PRKCA: variants seen among roughly 807,000 people sequenced by gnomAD.
PRKCA encodes protein kinase C alpha.
PRKCA carries 27 observed loss-of-function variants against 87.0 expected under a neutral mutation model. That is an observed-to-expected ratio of 0.31 (90% CI 0.23 to 0.43). The LOEUF is 0.43. PRKCA is among the 20% of genes least tolerant of loss of function. The pLI is 1.00. For synonymous variants in PRKCA, 329 were observed against 311.1 expected (o/e 1.06, Z -0.61); for missense variants, 518 against 852.3 (o/e 0.61, Z 4.88).
intron 3 of PRKCA, among the ~76,000 whole-genome samples, chr17:66,555,038 C>T (rs949745153): frequency 8.5e-5 from 13 of 152,096 alleles, no homozygotes; most frequent in African/African-American, 1.2e-4. Context: ...CTGCCATGCC[C>T]GGCCAAGTTT....
chr17:66,612,894 T>C (rs1246695496), intron 3 of PRKCA, among the ~76,000 whole-genome samples: 8 of 152,200 alleles, frequency 5.3e-5, no homozygotes, highest in Admixed American at 5.2e-4. Flanking sequence ...GGTTTCTCCA[T>C]CACAGATTTG....
chr17:66,587,400 T>G (rs1199483703), intron 3 of PRKCA, among the ~76,000 whole-genome samples: 1 of 152,198 alleles, frequency 6.6e-6, no homozygotes, highest in African/African-American at 2.4e-5. Context: ...CTCTACAGAT[T>G]CGTTTGAAAC....
chr17:66,613,911 T>A (rs1970445295), intron 3 of PRKCA, among the ~76,000 whole-genome samples: 1 of 149,282 alleles, frequency 6.7e-6, no homozygotes, highest in African/African-American at 2.5e-5. Flanking sequence ...GCCTCCCTAG[T>A]AGCTAGGACT....
chr17:66,658,599 G>A (rs1258922141), intron 5 of PRKCA, among the ~76,000 whole-genome samples: 1 of 152,170 alleles, frequency 6.6e-6, no homozygotes, highest in East Asian at 1.9e-4. Flanking sequence ...GGTGAGATTT[G>A]GGTGGGGACA....
At position 66,739,148 on chromosome 17, in the gene PRKCA, C is replaced by T. The variant is rs149049682; in HGVS notation, c.1322+293C>T. Among the ~76,000 whole-genome samples, 77 of 152,232 alleles carry T rather than the reference C, an allele frequency of 5.1e-4. 2 individuals are homozygous for T. In the East Asian group the frequency reaches 0.014, roughly 28 times the overall value. ...CTGCCCACCTCGGCCTCCCAAAGTGCGGGGATTACAGGCGTGAGTGAGCCA... is the reference window on the plus strand; with the variant it reads ...CTGCCCACCTCGGCCTCCCAAAGTGTGGGGATTACAGGCGTGAGTGAGCCA... On this transcript the variant is annotated intron_variant, in intron 11 of 16. Transcript: ENST00000413366.
At chr17:66,388,733 T>TCTGCACATCTGCACTGTGGGGCAG (rs1910202483) in intron 2 of PRKCA, among the ~76,000 whole-genome samples, 1 of 152,178 alleles carries the variant, frequency 6.6e-6, no homozygotes, top group African/African-American at 2.4e-5. Context: ...TGGAGGTTTG[T>TCTGCACATCTGCACTGTGGGGCAG]CTGCACATCT....
intron 2 of PRKCA, among the ~76,000 whole-genome samples, chr17:66,479,503 G>A (rs1220616766): frequency 2.6e-5 from 4 of 152,096 alleles, no homozygotes; most frequent in Admixed American, 6.6e-5. Flanking sequence ...CCCATGGCTA[G>A]GTATATACCC....
chr17:66,396,957 CTTTTTTTT>C (rs35135551), intron 2 of PRKCA, among the ~76,000 whole-genome samples: 1 of 52,136 alleles, frequency 1.9e-5, no homozygotes, highest in Admixed American at 3.7e-4. Context: ...ACAATCAAGA[CTTTTTTTT>C]TTTTTTTTTT....
chr17:66,640,097 C>T (rs933147464), intron 3 of PRKCA, among the ~76,000 whole-genome samples: 5 of 152,136 alleles, frequency 3.3e-5, no homozygotes, highest in Non-Finnish European at 5.9e-5. Flanking sequence ...CCCTGTGATA[C>T]GGCACTCTTC....
Position 66,361,582 on chromosome 17 carries a change from A to G in PRKCA, c.205+55455A>G, listed in dbSNP as rs1412339357. Among the ~76,000 whole-genome samples the G allele has an allele frequency of 2.0e-5, 3 of 152,200 alleles. No individual in the cohort carries two copies. In the East Asian group the frequency reaches 5.8e-4, roughly 29 times the overall value. On this transcript the variant is annotated intron_variant, in intron 2 of 16. Coordinates refer to ENST00000413366, the MANE Select transcript of PRKCA (RefSeq NM_002737.3). ...CGCCTCGGCCTCCCAAAATGCTAGGATTATAGGTGTGAGCCACTGCGCCAG... is the reference window on the plus strand; with the variant it reads ...CGCCTCGGCCTCCCAAAATGCTAGGGTTATAGGTGTGAGCCACTGCGCCAG...
intron 2 of PRKCA, among the ~76,000 whole-genome samples, chr17:66,326,181 G>A (rs1400714026): frequency 2.6e-5 from 4 of 152,106 alleles, no homozygotes; most frequent in African/African-American, 9.7e-5. Context: ...ATCACACTAC[G>A]TGACTGGGTT....
Position 66,389,454 on chromosome 17 carries a change from A to C in PRKCA, c.205+83327A>C, listed in dbSNP as rs535681797. Among the ~76,000 whole-genome samples the C allele has an allele frequency of 2.0e-5, 3 of 152,328 alleles. No individual in the cohort carries two copies. In the East Asian group the frequency reaches 5.8e-4, roughly 29 times the overall value. On this transcript the variant is annotated intron_variant, in intron 2 of 16. Coordinates refer to ENST00000413366, the MANE Select transcript of PRKCA (RefSeq NM_002737.3). ...GCTCTGCCTCAGTAGCCTCCCCTGC[A>C]TAAGGACACCTTTGCAGGGATATCG... is the stretch of plus-strand genomic sequence containing the variant.
intron 3 of PRKCA, among the ~76,000 whole-genome samples, chr17:66,639,639 C>A (rs984785656): frequency 3.0e-4 from 45 of 152,162 alleles, no homozygotes; most frequent in African/African-American, 1.0e-3. Context: ...CTGACTGCCT[C>A]AGCCTCCCAA....
intron 2 of PRKCA, among the ~76,000 whole-genome samples, chr17:66,423,552 A>G (rs977040195): frequency 1.3e-5 from 2 of 152,232 alleles, no homozygotes; most frequent in Non-Finnish European, 2.9e-5. Context: ...TACCTGACTC[A>G]GAAGAAAGTC....
At chr17:66,559,739 TCC>T (rs1461667622) in intron 3 of PRKCA, among the ~76,000 whole-genome samples, 1 of 152,090 alleles carries the variant, frequency 6.6e-6, no homozygotes, top group African/African-American at 2.4e-5. Flanking sequence ...CCAGTCAAAA[TCC>T]CAGAACGGTT....
intron 3 of PRKCA, among the ~76,000 whole-genome samples, chr17:66,577,830 CGGGG>C (rs1969287836): frequency 6.6e-6 from 1 of 151,996 alleles, no homozygotes. Context: ...GGAGTGAGGA[CGGGG>C]TAGTGGGGGG....
chr17:66,353,676 A>G (rs1250805742), intron 2 of PRKCA, among the ~76,000 whole-genome samples: 1 of 152,234 alleles, frequency 6.6e-6, no homozygotes, highest in Non-Finnish European at 1.5e-5. Context: ...AGATCGGGCC[A>G]TTGCACTCCA....
intron 2 of PRKCA, among the ~76,000 whole-genome samples, chr17:66,418,596 C>G (rs893189382): frequency 6.6e-6 from 1 of 152,012 alleles, no homozygotes; most frequent in African/African-American, 2.4e-5. Context: ...GTCACCACGC[C>G]TGGCTAATTT....
At chr17:66,781,100 A>G (rs1192963264) in intron 14 of PRKCA, among the ~76,000 whole-genome samples, 1 of 152,136 alleles carries the variant, frequency 6.6e-6, no homozygotes, top group East Asian at 1.9e-4. Context: ...CTCCATCTCA[A>G]AAAAATAAAA....
Sources: gnomAD v4.1 joint callset for allele counts (sites outside exome capture counted in the v4.1 genomes callset) on GRCh38, gnomAD v4.1.1 for gene constraint, MANE v1.5 for transcripts, NCBI Gene and HGNC (gene_info 2026-07-23, HGNC 2026-07-21) for gene names.